The following OPHN1 variants were observed in gnomAD, a reference collection of about 807,000 sequenced individuals.
OPHN1 encodes the protein oligophrenin 1, also known as oligophrenin-1.
Under a neutral mutation model 60.7 loss-of-function variants are expected in OPHN1, and 11 were observed. The ratio of observed to expected loss-of-function variants is 0.18; its 90% CI spans 0.11 to 0.30. The LOEUF is 0.30. OPHN1 is among the 10% of genes least tolerant of loss of function. The pLI, the probability that OPHN1 is intolerant of heterozygous loss-of-function variation, is 1.00. For missense variants in OPHN1, 449 were observed against 611.0 expected, an observed-to-expected ratio of 0.73 and a Z score of 2.80; for synonymous variants, 226 against 222.6, an observed-to-expected ratio of 1.02 and a Z score of -0.14.
intron 2 of OPHN1, among the ~76,000 whole-genome samples, chrX:68,387,757 G>T (rs1170117819): frequency 1.8e-5 from 2 of 111,724 alleles, no homozygotes; most frequent in Non-Finnish European, 3.8e-5. Flanking sequence ...ACATGTTCCT[G>T]CCCTGAAGGA....
chrX:68,230,732 G>C (rs757846317), intron 6 of OPHN1, among the ~76,000 whole-genome samples: 1 of 89,996 alleles, frequency 1.1e-5, no homozygotes, highest in East Asian at 4.1e-4. Flanking sequence ...CTTGGATACA[G>C]GGTGGGGAAC....
intron 2 of OPHN1, among the ~76,000 whole-genome samples, chrX:68,389,940 T>C (rs1344064485): frequency 8.9e-6 from 1 of 111,892 alleles, no homozygotes; most frequent in Non-Finnish European, 1.9e-5. Context: ...AGAGGTTTAA[T>C]TGACTCACAG....
chrX:68,166,685 C>T (rs778076092), intron 15 of OPHN1, among the ~76,000 whole-genome samples: 64 of 111,537 alleles, frequency 5.7e-4, no homozygotes, highest in African/African-American at 2.0e-3. Flanking sequence ...GGTGTAAAAA[C>T]GGACACACAG....
intron 2 of OPHN1, among the ~76,000 whole-genome samples, chrX:68,414,068 G>T (rs751496240): frequency 1.8e-5 from 2 of 111,485 alleles, no homozygotes; most frequent in Non-Finnish European, 3.8e-5. Flanking sequence ...GTAAAATAGG[G>T]TCTTATTAAT....
chrX:68,100,348 A>G (rs1177439396), intron 18 of OPHN1, among the ~76,000 whole-genome samples: 8 of 112,089 alleles, frequency 7.1e-5, no homozygotes, highest in African/African-American at 2.6e-4. Context: ...TGAACACAGA[A>G]TAATGGATAA....
intron 3 of OPHN1, among the ~76,000 whole-genome samples, chrX:68,288,664 T>TGAGGCAGGAGAATTGCTTG (rs2078056530): frequency 9.0e-6 from 1 of 110,602 alleles, no homozygotes; most frequent in Non-Finnish European, 1.9e-5. Context: ...CTCGGAAGGC[T>TGAGGCAGGAGAATTGCTTG]GAGGCAGGAG....
intron 2 of OPHN1, among the ~76,000 whole-genome samples, chrX:68,303,583 G>A (rs185219900): frequency 9.2e-6 from 1 of 109,012 alleles, no homozygotes; most frequent in Non-Finnish European, 1.9e-5. Flanking sequence ...AGGAGGCGGA[G>A]GTTGCAGAGA....
chrX:68,047,064 G>A lies in OPHN1; in HGVS notation c.*108C>T, dbSNP rs1478047760. 3 of 112,019 alleles carry A rather than the reference G, an allele frequency of 2.7e-5. No homozygotes were observed. The allele number at this position is 112,019 out of a possible 1,213,427, so 9.2% of individuals were successfully genotyped here. ...TCTGAAAGTGCAAGGCTAGGAAGGA[G>A]CTGCTCTTCAACACAAAATGACTCC... On this transcript the variant is annotated 3_prime_UTR_variant, in exon 25 of 25. Coordinates refer to ENST00000355520, the MANE Select transcript of OPHN1 (RefSeq NM_002547.3).
At chrX:68,340,616 G>A (rs2078346642) in intron 2 of OPHN1, among the ~76,000 whole-genome samples, 1 of 111,675 alleles carries the variant, frequency 9.0e-6, no homozygotes, top group African/African-American at 3.3e-5. Context: ...AGAAAACATA[G>A]GGATAAATCT....
chrX:68,318,643 C>T (rs975135187), intron 2 of OPHN1, among the ~76,000 whole-genome samples: 15 of 111,958 alleles, frequency 1.3e-4, no homozygotes, highest in Non-Finnish European at 2.6e-4. Context: ...GTACATGTGT[C>T]ACAACTAGTG....
At chrX:68,397,317 T>A (rs750511976) in intron 2 of OPHN1, among the ~76,000 whole-genome samples, 12 of 110,681 alleles carry the variant, frequency 1.1e-4, no homozygotes, top group Non-Finnish European at 2.1e-4. Flanking sequence ...GCCTTCTCAG[T>A]GCCCCAGGCT....
At chrX:68,065,337 G>A (rs1057451032) in intron 20 of OPHN1, among the ~76,000 whole-genome samples, 1 of 111,222 alleles carries the variant, frequency 9.0e-6, no homozygotes, top group Admixed American at 9.6e-5. Flanking sequence ...GTATGATGAT[G>A]ATATTGCGGT....
chrX:68,340,721 C>T (rs1342754811), intron 2 of OPHN1, among the ~76,000 whole-genome samples: 1 of 111,354 alleles, frequency 9.0e-6, no homozygotes, highest in Non-Finnish European at 1.9e-5. Flanking sequence ...AAGAACTGGC[C>T]GGGCACCACT....
rs2077579497 is a variant in OPHN1, at chrX:68,210,395, C to A, written c.703-113G>T. The A allele has an allele frequency of 9.3e-6, 7 of 752,750 alleles. No individual in the cohort carries two copies. In the Admixed American group the frequency reaches 1.2e-4, roughly 13 times the overall value. The allele number at this position is 752,750 out of a possible 1,213,427, so 62.0% of individuals were successfully genotyped here. On this transcript the variant is annotated intron_variant, in intron 8 of 24. Transcript: ENST00000355520. Reference sequence around the variant, plus strand: ...TCCCTGCTTACAGCATGTGCAACCACAAAGCAAAAAAAGAAATGGTGAATG... The same window carrying A: ...TCCCTGCTTACAGCATGTGCAACCAAAAAGCAAAAAAAGAAATGGTGAATG...
intron 15 of OPHN1, chrX:68,132,796 C>T (rs868800231): frequency 2.2e-4 from 39 of 181,147 alleles, no homozygotes; most frequent in African/African-American, 1.2e-3. Context: ...GCTGGCGAGC[C>T]CCACTGAGGA....
intron 2 of OPHN1, among the ~76,000 whole-genome samples, chrX:68,379,149 G>A (rs746047996): frequency 1.5e-3 from 166 of 110,741 alleles, no homozygotes; most frequent in Non-Finnish European, 2.7e-3. Context: ...GGTCCTTCAC[G>A]TCCCTTGTAA....
At position 68,122,589 on chromosome X, in the gene OPHN1, A is replaced by C. The variant is rs192721667; in HGVS notation, c.1277-3257T>G. Among the ~76,000 whole-genome samples, 235 of 111,216 alleles carry C rather than the reference A, an allele frequency of 2.1e-3. 1 individual carries two copies. Among genetic ancestry groups the C allele is most frequent in the African/African-American group, 7.3e-3 (224 of 30,693 alleles). ...TAGCTATTTTGAGAAAACTCAAATA[A>C]ATTCAATATAATATAGAAAAGGAAT... On this transcript the variant is annotated intron_variant, in intron 15 of 24. Coordinates refer to ENST00000355520, the MANE Select transcript of OPHN1 (RefSeq NM_002547.3).
At chrX:68,196,972 T>C (rs1471789874) in intron 12 of OPHN1, among the ~76,000 whole-genome samples, 2 of 111,782 alleles carry the variant, frequency 1.8e-5, no homozygotes, top group Non-Finnish European at 3.8e-5. Context: ...GGTTTTGGTG[T>C]CTTCTCTGAG....
intron 2 of OPHN1, among the ~76,000 whole-genome samples, chrX:68,314,965 G>A (rs1434301668): frequency 2.0e-5 from 2 of 99,484 alleles, no homozygotes; most frequent in Non-Finnish European, 4.0e-5. Context: ...CAGCCTGGGC[G>A]ACAGAGCAAG....
Sources: gnomAD v4.1 joint callset for allele counts (sites outside exome capture counted in the v4.1 genomes callset) on GRCh38, gnomAD v4.1.1 for gene constraint, MANE v1.5 for transcripts, NCBI Gene and HGNC (gene_info 2026-07-23, HGNC 2026-07-21) for gene names.